The following RELN variants were observed in gnomAD, a reference collection of about 807,000 sequenced individuals.
RELN encodes reelin.
Under a neutral mutation model 427.6 loss-of-function variants are expected in RELN, and 108 were observed. The ratio of observed to expected loss-of-function variants is 0.25; its 90% confidence interval spans 0.22 to 0.30. The LOEUF (loss-of-function observed/expected upper bound fraction) is 0.30. Ranked by LOEUF, RELN falls within the 10% of genes least tolerant of loss-of-function variation. The probability of loss-of-function intolerance (pLI) is 1.00; values close to 1 mark genes in which losing one functional copy is unlikely to be tolerated. For synonymous variants in RELN, 1,524 were observed against 1,513.4 expected (o/e 1.01, Z -0.16); for missense variants, 3,715 against 4,302.8 (o/e 0.86, Z 3.82).
intron 1 of RELN, among the ~76,000 whole-genome samples, chr7:103,926,611 C>A (rs1795742366): frequency 6.8e-6 from 1 of 146,452 alleles, no homozygotes; most frequent in South Asian, 2.1e-4. Flanking sequence ...CCGAACGCAG[C>A]TCTAAAGTAT....
chr7:103,901,169 A>G (rs1019363566), intron 2 of RELN, among the ~76,000 whole-genome samples: 6 of 152,038 alleles, frequency 3.9e-5, no homozygotes, highest in African/African-American at 1.4e-4. Context: ...AGTGTCATTA[A>G]TCATTAGGGA....
At chr7:103,919,591 G>C (rs999502808) in intron 1 of RELN, among the ~76,000 whole-genome samples, 19 of 152,220 alleles carry the variant, frequency 1.2e-4, no homozygotes, top group African/African-American at 3.1e-4. Context: ...CTAAAAGGGA[G>C]AACCCTTTAG....
intron 28 of RELN, among the ~76,000 whole-genome samples, chr7:103,588,468 A>G (rs958675650): frequency 2.0e-5 from 3 of 152,188 alleles, no homozygotes; most frequent in African/African-American, 7.2e-5. Flanking sequence ...AATAAATTCA[A>G]TGCTTGATAG....
At chr7:103,836,912 C>G (rs183267251) in intron 2 of RELN, among the ~76,000 whole-genome samples, 23 of 152,276 alleles carry the variant, frequency 1.5e-4, no homozygotes, top group Non-Finnish European at 1.5e-4. Flanking sequence ...AATCCACATT[C>G]CTCTAGCATC....
At chr7:103,880,284 G>T (rs1468096848) in intron 2 of RELN, among the ~76,000 whole-genome samples, 1 of 152,026 alleles carries the variant, frequency 6.6e-6, no homozygotes, top group East Asian at 1.9e-4. Context: ...TTGAAAAAAG[G>T]TTTAAAACAT....
At chr7:103,509,651 C>G (rs763189431) in intron 51 of RELN, among the ~76,000 whole-genome samples, 40 of 151,886 alleles carry the variant, frequency 2.6e-4, no homozygotes, top group Admixed American at 6.6e-4. Flanking sequence ...CAAAGTAGAC[C>G]AATGGGATCT....
At chr7:103,970,462 T>A (rs1796741039) in intron 1 of RELN, among the ~76,000 whole-genome samples, 1 of 152,138 alleles carries the variant, frequency 6.6e-6, no homozygotes. Context: ...ATTTATTTAG[T>A]GCTATTTCTT....
At chr7:103,700,005 A>G (rs1028695973) in intron 9 of RELN, among the ~76,000 whole-genome samples, 6 of 152,038 alleles carry the variant, frequency 3.9e-5, no homozygotes, top group Admixed American at 1.3e-4. Context: ...TTAATATTAT[A>G]CTGACAGCCT....
intron 22 of RELN, among the ~76,000 whole-genome samples, chr7:103,604,780 T>C (rs1172127303): frequency 6.6e-6 from 1 of 151,484 alleles, no homozygotes; most frequent in East Asian, 1.9e-4. Flanking sequence ...GAAAAAGTAC[T>C]AAGAAAGAAC....
At chr7:103,809,107 C>G (rs1792671838) in intron 3 of RELN, among the ~76,000 whole-genome samples, 1 of 152,148 alleles carries the variant, frequency 6.6e-6, no homozygotes, top group African/African-American at 2.4e-5. Context: ...TCAAGCCACA[C>G]AGAAAGCTAG....
intron 36 of RELN, among the ~76,000 whole-genome samples, chr7:103,559,019 T>C (rs1830584980): frequency 6.6e-6 from 1 of 152,198 alleles, no homozygotes; most frequent in South Asian, 2.1e-4. Context: ...AATTCCACAA[T>C]AGCAACCATA....
intron 2 of RELN, among the ~76,000 whole-genome samples, chr7:103,858,953 G>A (rs1396306830): frequency 6.6e-6 from 1 of 152,148 alleles, no homozygotes; most frequent in Non-Finnish European, 1.5e-5. Flanking sequence ...GGCTTGCCTA[G>A]AGAACAGAGA....
Position 103,498,080 on chromosome 7 carries a change from G to A in RELN, c.8840C>T (p.Ala2947Val). ...AVTQDLDLRG[A>V]KFLQYWGRIG... ...AACTAACAAAAAATTCACTTACTTT[G>A]CACCTCGAAGATCCAAATCTTGTGT... Residue 2947 changes from alanine to valine, a missense_variant, in exon 54 of 65, where the codon GCA becomes GTA. Ala to Val is a moderately conservative substitution (Grantham distance 64). Around this residue, in one of 4 missense-constraint regions of RELN, gnomAD observed 1,310 missense variants for 1,643.0 expected, o/e 0.80. Coordinates refer to ENST00000428762, the MANE Select transcript of RELN (RefSeq NM_005045.4). The A allele has an allele frequency of 6.2e-7, 1 of 1,613,982 alleles. No individual in the cohort carries two copies. The highest frequency in any genetic ancestry group is 1.1e-5 in the South Asian group (1 of 91,076).
At chr7:103,936,949 T>A (rs1223430551) in intron 1 of RELN, among the ~76,000 whole-genome samples, 1 of 152,240 alleles carries the variant, frequency 6.6e-6, no homozygotes, top group Non-Finnish European at 1.5e-5. Context: ...ATCTTTTATT[T>A]CATTTGTTCT....
chr7:103,743,555 G>A (rs576498762), intron 6 of RELN, among the ~76,000 whole-genome samples: 19 of 152,244 alleles, frequency 1.2e-4, no homozygotes, highest in African/African-American at 4.6e-4. Context: ...TCAAAATAAA[G>A]GGATGGAGGA....
At chr7:103,762,831 T>C (rs932292661) in intron 4 of RELN, among the ~76,000 whole-genome samples, 3 of 152,154 alleles carry the variant, frequency 2.0e-5, no homozygotes, top group African/African-American at 7.2e-5. Context: ...CTAAGATAGA[T>C]TTAAGGCAGC....
intron 3 of RELN, among the ~76,000 whole-genome samples, chr7:103,799,816 T>C (rs970116208): frequency 6.6e-6 from 1 of 152,158 alleles, no homozygotes; most frequent in South Asian, 2.1e-4. Context: ...CAGTACTTAC[T>C]GAGGCAAAGC....
rs1382927190 is a variant in RELN at position 103,574,145 on chromosome 7, A to G, written c.4458T>C (p.Asn1486=). 1 of 1,614,068 alleles carries G rather than the reference A, an allele frequency of 6.2e-7. No individual in the cohort carries two copies. The highest frequency in any genetic ancestry group is 1.3e-5 in the African/African-American group (1 of 74,926). Residue 1486 remains asparagine, a synonymous_variant, in exon 30 of 65, where the codon AAT becomes AAC. Transcript: ENST00000428762. ...TLNDGKSLYF[N]GPGKREARTV... ...TCCGGGCTTCCCTTTTCCCAGGGCCATTGAAGTAGAGAGATTTGCCATCGT... is the reference window on the plus strand; with the variant it reads ...TCCGGGCTTCCCTTTTCCCAGGGCCGTTGAAGTAGAGAGATTTGCCATCGT...
At chr7:103,622,800 G>T (rs1238287645) in intron 20 of RELN, among the ~76,000 whole-genome samples, 11 of 140,140 alleles carry the variant, frequency 7.8e-5, no homozygotes, top group African/African-American at 2.3e-4. Context: ...TCACGGTCTG[G>T]AATATTATCT....
Sources: allele counts gnomAD v4.1 joint callset (sites outside exome capture counted in the v4.1 genomes callset), GRCh38; gene constraint gnomAD v4.1.1; regional missense constraint gnomAD v4.1.1; transcripts MANE v1.5; gene names NCBI Gene and HGNC (gene_info 2026-07-23, HGNC 2026-07-21).